RANBP2: variants seen among roughly 807,000 people sequenced by gnomAD.
RANBP2 encodes the protein RAN binding protein 2.
RANBP2 carries 57 observed loss-of-function variants against 303.6 expected under a neutral mutation model. The ratio of observed to expected loss-of-function variants is 0.19; its 90% CI spans 0.15 to 0.23. RANBP2 has a LOEUF of 0.23. Among genes scored for constraint, RANBP2 ranks in the 10% least tolerant of loss-of-function variants. RANBP2 has a pLI of 1.00. For missense variants in RANBP2, 3,138 were observed against 3,780.8 expected, an observed-to-expected ratio of 0.83 and a Z score of 4.46; for synonymous variants, 1,167 against 1,301.5, an observed-to-expected ratio of 0.90 and a Z score of 2.23.
Position 108,775,930 on chromosome 2 carries a change from A to T in RANBP2, c.8491A>T (p.Ser2831Cys), listed in dbSNP as rs368434436. The change falls in exon 24 of 29, where the codon AGC becomes TGC. Residue 2831 changes from serine to cysteine, a missense_variant. Ser to Cys is a moderately radical substitution (Grantham distance 112, BLOSUM62 -1). Transcript: ENST00000283195. ...AAAGGAAATTGATACAGATTCTACA[A>T]GCCAAGGTAAATCTTGATATATGTT... ...TRKEIDTDSTSQGESKIVSFG... is the reference protein window; with the variant it reads ...TRKEIDTDSTCQGESKIVSFG... 111 of 1,608,016 alleles carry T rather than the reference A, an allele frequency of 6.9e-5. No homozygotes were observed. The highest frequency in any genetic ancestry group is 8.7e-5 in the Non-Finnish European group (103 of 1,178,884).
At chr2:109,030,923 G>A in the RANBP2 span, among the ~76,000 whole-genome samples, 455 of 152,134 alleles carry the variant, frequency 3.0e-3, 1 homozygote, top group African/African-American at 0.01. Context: ...TATTTTCTTG[G>A]TAAAATGGTT....
the RANBP2 span, among the ~76,000 whole-genome samples, chr2:109,452,575 G>A: frequency 3.3e-5 from 5 of 152,216 alleles, no homozygotes; most frequent in Admixed American, 1.3e-4. Flanking sequence ...CCTGGGCGCC[G>A]TAGAGTAGGG....
chr2:109,293,168 C>T, the RANBP2 span, among the ~76,000 whole-genome samples: 124 of 152,352 alleles, frequency 8.1e-4, no homozygotes, highest in Middle Eastern at 3.4e-3. Flanking sequence ...CAGGCAGTGC[C>T]CTGGGCCTCC....
At chr2:109,234,350 TCTTAGTGC>T in the RANBP2 span, among the ~76,000 whole-genome samples, 3 of 152,220 alleles carry the variant, frequency 2.0e-5, no homozygotes, top group South Asian at 4.1e-4. Flanking sequence ...ATTGCAGGAT[TCTTAGTGC>T]CTAAAACATA....
At chr2:108,970,540 C>A in the RANBP2 span, among the ~76,000 whole-genome samples, 43 of 151,920 alleles carry the variant, frequency 2.8e-4, no homozygotes, top group African/African-American at 1.0e-3. Context: ...GCCCAGGGAG[C>A]CTGACTGGGC....
the RANBP2 span, among the ~76,000 whole-genome samples, chr2:109,332,561 G>C: frequency 2.0e-5 from 3 of 152,192 alleles, no homozygotes; most frequent in African/African-American, 7.2e-5. Context: ...CCGCAGTTCA[G>C]CCCTCTCTGG....
chr2:109,541,665 C>T, the RANBP2 span, among the ~76,000 whole-genome samples: 1 of 152,228 alleles, frequency 6.6e-6, no homozygotes, highest in African/African-American at 2.4e-5. Context: ...TGCTCAGCTA[C>T]CTTCCAGTGC....
the RANBP2 span, among the ~76,000 whole-genome samples, chr2:109,045,098 C>T: frequency 7.2e-5 from 11 of 152,202 alleles, no homozygotes; most frequent in East Asian, 1.9e-4. Context: ...TTTGCATGAA[C>T]CTCTGATTTA....
the RANBP2 span, among the ~76,000 whole-genome samples, chr2:109,321,970 C>T: frequency 2.0e-5 from 3 of 152,104 alleles, no homozygotes; most frequent in Non-Finnish European, 4.4e-5. Context: ...GATGATTGGT[C>T]CTCGTTATTC....
intron 28 of RANBP2, 79 bp downstream of exon 28, chr2:108,782,941 T>C (rs1323339119): frequency 4.7e-6 from 6 of 1,276,076 alleles, no homozygotes; most frequent in African/African-American, 1.5e-5. Context: ...GTGTTTTTCC[T>C]TGACCTCATC....
the RANBP2 span, among the ~76,000 whole-genome samples, chr2:109,474,648 G>A: frequency 2.8e-3 from 423 of 152,308 alleles, 2 homozygotes; most frequent in African/African-American, 9.4e-3. Flanking sequence ...GAAGCTTCCC[G>A]CTGGTCTGCC....
At chr2:108,844,028 AT>A in the RANBP2 span, among the ~76,000 whole-genome samples, 1 of 147,714 alleles carries the variant, frequency 6.8e-6, no homozygotes, top group Non-Finnish European at 1.5e-5. Context: ...TACCTGGTTA[AT>A]TTTTTTTTGT....
the RANBP2 span, among the ~76,000 whole-genome samples, chr2:109,288,937 A>C: frequency 6.6e-6 from 1 of 152,222 alleles, no homozygotes; most frequent in Non-Finnish European, 1.5e-5. Flanking sequence ...TCCAACCCAT[A>C]GCTATGAATA....
the RANBP2 span, among the ~76,000 whole-genome samples, chr2:109,681,714 G>A: frequency 6.6e-6 from 1 of 152,346 alleles, no homozygotes; most frequent in South Asian, 2.1e-4. Context: ...GTCATCTGTG[G>A]GGTCCTGGCA....
chr2:109,530,523 G>A, the RANBP2 span, among the ~76,000 whole-genome samples: 2 of 152,192 alleles, frequency 1.3e-5, no homozygotes, highest in East Asian at 1.9e-4. Flanking sequence ...ATAAGAAAAC[G>A]TGTCTATACA....
chr2:109,554,106 T>C, the RANBP2 span, among the ~76,000 whole-genome samples: 21 of 152,280 alleles, frequency 1.4e-4, no homozygotes, highest in East Asian at 3.9e-3. Context: ...GTTAGCTATA[T>C]ATACATTTAA....
chr2:108,948,939 G>A, the RANBP2 span, among the ~76,000 whole-genome samples: 1 of 152,142 alleles, frequency 6.6e-6, no homozygotes, highest in Admixed American at 6.5e-5. Context: ...ACAAGACAGT[G>A]AGACCCCCAT....
chr2:109,474,031 C>T, the RANBP2 span, among the ~76,000 whole-genome samples: 1 of 152,184 alleles, frequency 6.6e-6, no homozygotes, highest in Non-Finnish European at 1.5e-5. Context: ...TGGAGACTTT[C>T]TGTGCCTCTG....
the RANBP2 span, among the ~76,000 whole-genome samples, chr2:109,297,025 A>G: frequency 0.34 from 52,309 of 151,828 alleles, 9,184 homozygotes; most frequent in South Asian, 0.41. Context: ...CACCTGCTGT[A>G]TGCCTGGCCC....
Sources: gnomAD v4.1 joint callset for allele counts (sites outside exome capture counted in the v4.1 genomes callset) on GRCh38, gnomAD v4.1.1 for gene constraint, MANE v1.5 for transcripts, NCBI Gene and HGNC (gene_info 2026-07-23, HGNC 2026-07-21) for gene names.